SRGAP3: variants seen among roughly 807,000 people sequenced by gnomAD.
The protein encoded by SRGAP3 is SLIT-ROBO Rho GTPase activating protein 3.
A neutral mutation model predicts 121.1 loss-of-function variants in SRGAP3; 39 were observed. The ratio of observed to expected loss-of-function variants is 0.32; its 90% CI spans 0.25 to 0.42. The LOEUF is 0.42. Among genes scored for constraint, SRGAP3 ranks in the 10% least tolerant of loss-of-function variants. The probability of loss-of-function intolerance (pLI) is 1.00; values close to 1 mark genes in which losing one functional copy is unlikely to be tolerated. For missense variants in SRGAP3, 1,213 were observed against 1,470.6 expected (o/e 0.82, Z 2.86); for synonymous variants, 601 against 570.0 (o/e 1.05, Z -0.77).
intron 21 of SRGAP3, among the ~76,000 whole-genome samples, chr3:8,987,686 G>C (rs778931975): frequency 1.1e-4 from 17 of 152,242 alleles, no homozygotes; most frequent in Non-Finnish European, 2.5e-4. Context: ...ATATTAGCTT[G>C]TACGCTTCTC....
At chr3:9,261,163 A>C (rs1043510570) in intron 3 of SRGAP3, among the ~76,000 whole-genome samples, 1 of 152,156 alleles carries the variant, frequency 6.6e-6, no homozygotes, top group Non-Finnish European at 1.5e-5. Context: ...CATCAACAAA[A>C]AGGACGTCCA....
Position 9,109,403 on chromosome 3 carries a change from A to G in SRGAP3, c.261-4561T>C, listed in dbSNP as rs143992018. On this transcript the variant is annotated intron_variant, in intron 2 of 21. Transcript: ENST00000383836. This position sits in a 1 kb window ranked among gnomAD's most constrained non-coding sequence, Gnocchi z 4.4. ...GCTGCAAGCCAGGAGGCAGTGCGGT[A>G]TAAGACAGAATTGCAGGAGGCAGAG... 1.2e-4 allele frequency among the ~76,000 whole-genome samples: 18 copies of G among 152,360 alleles called. No individual in the cohort carries two copies. The highest frequency in any genetic ancestry group is 2.5e-4 in the Non-Finnish European group (17 of 68,038).
chr3:9,097,626 G>A (rs965590453), intron 3 of SRGAP3, among the ~76,000 whole-genome samples: 1 of 152,156 alleles, frequency 6.6e-6, no homozygotes, highest in East Asian at 1.9e-4. Context: ...TGTTGTGGAC[G>A]CTGTGACGCA....
At position 8,985,806 on chromosome 3, in the gene SRGAP3, C is replaced by T. The variant is rs1367268865; in HGVS notation, c.3013G>A (p.Val1005Ile). 1.2e-6 allele frequency: 2 copies of T among 1,600,260 alleles called. No homozygotes were observed. The highest frequency in any genetic ancestry group is 1.7e-6 in the Non-Finnish European group (2 of 1,179,836). ...AGGGGACTGGCGGGCTCCGAGCTGA[C>T]GGGGCCTGGCGGGTTCTTCAGGGGC... ...LEPLKNPPGP[V>I]SSEPASPLHT... Residue 1005 changes from valine to isoleucine, a missense_variant, in exon 22 of 22, where the codon GTC (valine) becomes ATC (isoleucine). By Grantham distance (29) the Val-to-Ile change is conservative. Transcript: ENST00000383836. This position sits in a 1 kb window ranked among gnomAD's most constrained non-coding sequence, Gnocchi z 5.1.
chr3:8,982,971 G>C lies in SRGAP3; in HGVS notation c.*2548C>G, dbSNP rs569420012. The C allele has an allele frequency of 3.9e-5, 9 of 229,688 alleles. No individual in the cohort carries two copies. The highest frequency in any genetic ancestry group is 1.8e-4 in the African/African-American group (8 of 45,196). The allele number at this position is 229,688 out of a possible 1,614,324, so 14.2% of individuals were successfully genotyped here. A position where few individuals can be genotyped will look rare whatever the true frequency, so the allele number is the denominator to read the frequency against. ...ATTCAGAGAAAAATCCACACGGTCTGATTGGTGTTATGTATATCAGGCAAC... is the reference window on the plus strand; with the variant it reads ...ATTCAGAGAAAAATCCACACGGTCTCATTGGTGTTATGTATATCAGGCAAC... On this transcript the variant is annotated 3_prime_UTR_variant, in exon 22 of 22. Coordinates refer to ENST00000383836, the MANE Select transcript of SRGAP3 (RefSeq NM_014850.4).
intron 1 of SRGAP3, among the ~76,000 whole-genome samples, chr3:9,151,126 T>C (rs1020684045): frequency 3.3e-5 from 5 of 151,934 alleles, no homozygotes; most frequent in African/African-American, 1.2e-4. Flanking sequence ...AGTCAGCTAG[T>C]GGTGGGGTGG....
Position 9,262,552 on chromosome 3 carries a change from A to G in SRGAP3, n.442+63458T>C, listed in dbSNP as rs1199143541. ...TGGAAAGCAAAAAAAAAAAAAAAAAAAAAAGCAGTGGTTGCAATCCTAGTC... is the reference window on the plus strand; with the variant it reads ...TGGAAAGCAAAAAAAAAAAAAAAAAGAAAAGCAGTGGTTGCAATCCTAGTC... On this transcript the variant is annotated intron_variant and non_coding_transcript_variant, in intron 3 of 3. Transcript: ENST00000490889. Among the ~76,000 whole-genome samples, 3 of 149,332 alleles carry G rather than the reference A, an allele frequency of 2.0e-5. No individual in the cohort carries two copies. The East Asian group carries it at 5.8e-4, about 29-fold the overall frequency.
chr3:9,294,928 G>T (rs888417741), intron 3 of SRGAP3, among the ~76,000 whole-genome samples: 9 of 152,018 alleles, frequency 5.9e-5, no homozygotes, highest in Non-Finnish European at 1.3e-4. Flanking sequence ...CCTGCCCTTC[G>T]TTGATGAATG....
chr3:9,301,968 G>A (rs1375409963), intron 3 of SRGAP3, among the ~76,000 whole-genome samples: 1 of 152,228 alleles, frequency 6.6e-6, no homozygotes, highest in Non-Finnish European at 1.5e-5. Flanking sequence ...GGAGTATGAT[G>A]AATCATCCTG....
intron 3 of SRGAP3, among the ~76,000 whole-genome samples, chr3:9,316,888 G>GT (rs890762439): frequency 9.2e-5 from 14 of 152,148 alleles, no homozygotes; most frequent in Non-Finnish European, 1.9e-4. Flanking sequence ...GAAGGTCTGA[G>GT]TTTTTTTAAA....
intron 1 of SRGAP3, among the ~76,000 whole-genome samples, chr3:9,204,604 G>A (rs976750087): frequency 1.3e-4 from 20 of 152,194 alleles, no homozygotes; most frequent in African/African-American, 4.8e-4. Context: ...TGCCCCAGAG[G>A]GGGAAAACAT....
chr3:9,079,917 C>T (rs1230890179), intron 4 of SRGAP3, 108 bp downstream of exon 4: 1 of 1,209,920 alleles, frequency 8.3e-7, no homozygotes, highest in Non-Finnish European at 1.2e-6. Context: ...TAAAACGCAG[C>T]AAAAAAGGCC....
In SRGAP3 at chr3:9,152,389, C is replaced by T. The variant is rs148942926; in HGVS notation, c.68-27472G>A. Among the ~76,000 whole-genome samples, 322 of 152,218 alleles carry T rather than the reference C, an allele frequency of 2.1e-3. 2 individuals are homozygous for T. The highest frequency in any genetic ancestry group is 7.3e-3 in the African/African-American group (304 of 41,536). On this transcript the variant is annotated intron_variant, in intron 1 of 21. Coordinates refer to ENST00000383836, the MANE Select transcript of SRGAP3 (RefSeq NM_014850.4). ...GGCTGGCCTCAGCCAGCCAATATTTCTCTCTCTCTCTGTGTCTCTCTCTCT... is the reference window on the plus strand; with the variant it reads ...GGCTGGCCTCAGCCAGCCAATATTTTTCTCTCTCTCTGTGTCTCTCTCTCT...
chr3:9,177,809 ACCAT>A (rs1951232305), intron 1 of SRGAP3, among the ~76,000 whole-genome samples: 3 of 152,166 alleles, frequency 2.0e-5, no homozygotes, highest in African/African-American at 2.4e-5. Flanking sequence ...TCTAGGGAAG[ACCAT>A]GTGACCCTGG....
chr3:9,056,382 C>A, intron 7 of SRGAP3, 48 bp from the exon 8 acceptor site: 1 of 1,588,810 alleles, frequency 6.3e-7, no homozygotes, highest in Non-Finnish European at 8.6e-7. Flanking sequence ...GCCCTCCTCA[C>A]CTGTGTGGAG....
intron 1 of SRGAP3, among the ~76,000 whole-genome samples, chr3:9,209,864 AC>A (rs1952387379): frequency 6.6e-6 from 1 of 152,234 alleles, no homozygotes; most frequent in African/African-American, 2.4e-5. Flanking sequence ...AGCATTATTC[AC>A]AATAGCCAAA....
rs772876218 is a variant in SRGAP3 at position 8,983,177 on chromosome 3, G to A, written c.*2342C>T. ...AAACACATGACTTTAAGAGCCTGACGCAGCCTCTGCTCCTAGCCAGTGTCA... is the reference window on the plus strand; with the variant it reads ...AAACACATGACTTTAAGAGCCTGACACAGCCTCTGCTCCTAGCCAGTGTCA... On this transcript the variant is annotated 3_prime_UTR_variant, in exon 22 of 22. Coordinates refer to ENST00000383836, the MANE Select transcript of SRGAP3 (RefSeq NM_014850.4). 5.3e-5 allele frequency: 12 copies of A among 226,216 alleles called. No individual in the cohort carries two copies. The highest frequency in any genetic ancestry group is 1.3e-3 in the Middle Eastern group (1 of 778). 14.0% of individuals were successfully genotyped at this position (226,216 alleles called of 1,614,324 possible).
chr3:9,169,820 T>C (rs1950913256), intron 1 of SRGAP3, among the ~76,000 whole-genome samples: 1 of 152,152 alleles, frequency 6.6e-6, no homozygotes, highest in Non-Finnish European at 1.5e-5. Flanking sequence ...GGATCAGTGC[T>C]TTCTGAAGGG....
At chr3:9,052,814 C>T (rs563810190) in intron 9 of SRGAP3, among the ~76,000 whole-genome samples, 75 of 152,166 alleles carry the variant, frequency 4.9e-4, no homozygotes, top group African/African-American at 1.8e-3. Context: ...TAATCATCAC[C>T]CAAGATCAAT....
Sources: allele counts gnomAD v4.1 joint callset (sites outside exome capture counted in the v4.1 genomes callset), GRCh38; gene constraint gnomAD v4.1.1; non-coding constraint Gnocchi (gnomAD v3.1); transcripts MANE v1.5; gene names NCBI Gene and HGNC (gene_info 2026-07-23, HGNC 2026-07-21).